FAM184A: variants seen among roughly 807,000 people sequenced by gnomAD.
FAM184A encodes protein FAM184A.
A neutral mutation model predicts 143.8 loss-of-function variants in FAM184A; 99 were observed. The observed-to-expected ratio is 0.69, with a 90% confidence interval of 0.58 to 0.81. The LOEUF (loss-of-function observed/expected upper bound fraction) is 0.81, where lower values mean the gene tolerates loss of function less well. Among genes scored for constraint, FAM184A ranks in the 40% least tolerant of loss-of-function variants. The pLI is 0.00. For missense variants in FAM184A, 1,217 were observed against 1,310.5 expected, an observed-to-expected ratio of 0.93 and a Z score of 1.10; for synonymous variants, 427 against 446.4, an observed-to-expected ratio of 0.96 and a Z score of 0.55.
chr6:119,140,671 A>C (rs532983852), intron 1 of FAM184A, among the ~76,000 whole-genome samples: 22 of 152,274 alleles, frequency 1.4e-4, no homozygotes, highest in Admixed American at 1.1e-3. Flanking sequence ...TTGAAGTCTC[A>C]AGGGCACCAG....
In FAM184A at chr6:118,976,145, C is replaced by T. The variant is rs1783839818; in HGVS notation, c.2456-101G>A. On this transcript the variant is annotated intron_variant, in intron 11 of 17. Transcript: ENST00000338891. The stretch of plus-strand genomic sequence containing the variant: ...TAAAAAATTATTTCAAAAATTAGAA[C>T]ACTTGTGTATGTCCATTAAATTAAT... 6.2e-6 allele frequency: 7 copies of T among 1,121,190 alleles called. No homozygotes were observed. The South Asian group carries it at 1.0e-4, about 17-fold the overall frequency. The allele number at this position is 1,121,190 out of a possible 1,614,324, so 69.5% of individuals were successfully genotyped here. A position where few individuals can be genotyped will look rare whatever the true frequency, so the allele number is the denominator to read the frequency against.
intron 1 of FAM184A, among the ~76,000 whole-genome samples, chr6:119,129,212 T>C (rs1287396414): frequency 2.0e-5 from 3 of 152,158 alleles, no homozygotes; most frequent in African/African-American, 7.2e-5. Flanking sequence ...CCCCCTAAAA[T>C]GTAAGAAAAC....
At chr6:119,089,186 C>A (rs1182732849) in intron 1 of FAM184A, among the ~76,000 whole-genome samples, 4 of 142,394 alleles carry the variant, frequency 2.8e-5, no homozygotes, top group African/African-American at 5.4e-5. Flanking sequence ...ATCTCTCTCT[C>A]TTTATTTATT....
In FAM184A at chr6:119,007,352, G is replaced by A. The variant is rs148966372; in HGVS notation, c.1654-744C>T. Among the ~76,000 whole-genome samples, 291 of 151,736 alleles carry A rather than the reference G, an allele frequency of 1.9e-3. 2 individuals carry two copies. Among genetic ancestry groups the A allele is most frequent in the Middle Eastern group, 0.01 (3 of 294 alleles). ...TTAAAAATAATACCTATTTTTCCTT[G>A]TAAATACAGACATTACAAAAAAAAA... On this transcript the variant is annotated intron_variant, in intron 6 of 17. Transcript: ENST00000338891.
chr6:119,142,278 G>A lies in FAM184A; in HGVS notation c.-202+6800C>T, dbSNP rs182647229. 8.5e-5 allele frequency among the ~76,000 whole-genome samples: 13 copies of A among 152,282 alleles called. 1 individual carries two copies. Among genetic ancestry groups the A allele is most frequent in the Admixed American group, 8.5e-4 (13 of 15,300 alleles). Reference sequence around the variant, plus strand: ...TGAGTCGGCCGGGAAAGGACGTAATGACCTCGAAGCCCTGATGGTGTCACT... The same window carrying A: ...TGAGTCGGCCGGGAAAGGACGTAATAACCTCGAAGCCCTGATGGTGTCACT... On this transcript the variant is annotated intron_variant, in intron 1 of 16. Transcript: ENST00000352896.
At chr6:119,027,311 C>T (rs944097860) in intron 1 of FAM184A, among the ~76,000 whole-genome samples, 2 of 152,192 alleles carry the variant, frequency 1.3e-5, no homozygotes, top group Admixed American at 1.3e-4. Flanking sequence ...TTCCCTGAGG[C>T]TGTGTCACAG....
chr6:119,042,736 G>A (rs919442721), intron 1 of FAM184A, among the ~76,000 whole-genome samples: 4 of 152,266 alleles, frequency 2.6e-5, no homozygotes, highest in African/African-American at 7.2e-5. Flanking sequence ...TGGACTTTAG[G>A]TAATAATGAT....
rs372975427 is a variant in FAM184A, at chr6:119,017,964, G to T, written c.1333-1020C>A. On this transcript the variant is annotated intron_variant, in intron 4 of 17. Transcript: ENST00000338891. ...CATGCTGGCTCCCCTCCTCCTTCCA[G>T]CATGATTGTAAGCTTCCTGAGGCCT... is the stretch of plus-strand genomic sequence containing the variant. Among the ~76,000 whole-genome samples, 27 of 152,226 alleles carry T rather than the reference G, an allele frequency of 1.8e-4. 1 individual carries two copies. The highest frequency in any genetic ancestry group is 6.3e-4 in the African/African-American group (26 of 41,540).
At position 119,097,584 on chromosome 6, in the gene FAM184A, A is replaced by G. The variant is rs1788539905; in HGVS notation, c.-202+51494T>C. Among the ~76,000 whole-genome samples the G allele has an allele frequency of 3.3e-5, 5 of 152,290 alleles. No homozygotes were observed. In the South Asian group the frequency reaches 1.0e-3, roughly 32 times the overall value. ...CCACGGTCCCTGGCTCATAACTCCC[A>G]TAGCCCTGGTTACTTGCTAAGTGGC... On this transcript the variant is annotated intron_variant, in intron 1 of 16. Coordinates refer to the FAM184A transcript ENST00000352896.
chr6:118,964,193 A>G (rs998468749), intron 16 of FAM184A, among the ~76,000 whole-genome samples: 1 of 152,088 alleles, frequency 6.6e-6, no homozygotes, highest in Non-Finnish European at 1.5e-5. Context: ...CAAACCAAAA[A>G]GAACGGTCAG....
At chr6:119,010,723 T>C (rs9387624) in intron 6 of FAM184A, among the ~76,000 whole-genome samples, 1 of 152,060 alleles carries the variant, frequency 6.6e-6, no homozygotes, top group Middle Eastern at 3.4e-3. Context: ...AACTTTGATA[T>C]CATGTTCAAA....
At chr6:119,026,036 A>C (rs1454403344) in intron 1 of FAM184A, among the ~76,000 whole-genome samples, 2 of 152,118 alleles carry the variant, frequency 1.3e-5, no homozygotes, top group Admixed American at 1.3e-4. Flanking sequence ...GTGCTTGCAA[A>C]AGAAACAAGA....
chr6:119,077,708 C>T (rs1407257038), intron 1 of FAM184A, among the ~76,000 whole-genome samples: 1 of 152,208 alleles, frequency 6.6e-6, no homozygotes, highest in Non-Finnish European at 1.5e-5. Flanking sequence ...TGATTCTTCC[C>T]TTAACTGAGT....
intron 9 of FAM184A, among the ~76,000 whole-genome samples, chr6:119,000,480 T>C (rs1784719525): frequency 6.6e-6 from 1 of 152,200 alleles, no homozygotes; most frequent in African/African-American, 2.4e-5. Flanking sequence ...TAATAGCTTT[T>C]GGAAAATTCC....
At chr6:119,047,950 T>A (rs1269630928) in intron 1 of FAM184A, among the ~76,000 whole-genome samples, 1 of 152,084 alleles carries the variant, frequency 6.6e-6, no homozygotes, top group Non-Finnish European at 1.5e-5. Context: ...CAGGCCAATA[T>A]CCTTGATGAA....
chr6:119,033,915 T>C (rs1785990350), intron 1 of FAM184A, among the ~76,000 whole-genome samples: 1 of 134,648 alleles, frequency 7.4e-6, no homozygotes, highest in Non-Finnish European at 1.5e-5. Context: ...TTGCTTGTCC[T>C]GGGAGGCAGA....
chr6:119,056,716 A>C (rs1044959940), intron 1 of FAM184A, among the ~76,000 whole-genome samples: 3 of 152,158 alleles, frequency 2.0e-5, no homozygotes, highest in Non-Finnish European at 2.9e-5. Context: ...CCAAGAGACA[A>C]GAGAAGAAAA....
chr6:118,987,166 C>T (rs1784221812), intron 9 of FAM184A, among the ~76,000 whole-genome samples: 1 of 152,158 alleles, frequency 6.6e-6, no homozygotes, highest in African/African-American at 2.4e-5. Flanking sequence ...TAGTAAACTA[C>T]AATCTGTTTT....
At chr6:119,119,206 A>T (rs1434694490) in intron 1 of FAM184A, among the ~76,000 whole-genome samples, 2 of 152,214 alleles carry the variant, frequency 1.3e-5, no homozygotes, top group African/African-American at 4.8e-5. Context: ...CTTCATTAGC[A>T]ATTTTAATTT....
Sources: gnomAD v4.1 joint callset for allele counts (sites outside exome capture counted in the v4.1 genomes callset) on GRCh38, gnomAD v4.1.1 for gene constraint, MANE v1.5 for transcripts, NCBI Gene and HGNC (gene_info 2026-07-23, HGNC 2026-07-21) for gene names.